SLC24A5: variants seen among roughly 807,000 people sequenced by gnomAD.
The protein encoded by SLC24A5 is solute carrier family 24 member 5.
Under a neutral mutation model 51.6 loss-of-function variants are expected in SLC24A5, and 46 were observed. That is an observed-to-expected ratio of 0.89 (90% CI 0.70 to 1.14). The LOEUF (loss-of-function observed/expected upper bound fraction) is 1.14. Among genes scored for constraint, SLC24A5 ranks in the 50% most tolerant of loss-of-function variants. SLC24A5 has a pLI of 0.00. For synonymous variants in SLC24A5, 230 were observed against 214.9 expected (o/e 1.07, Z -0.62); for missense variants, 581 against 604.1 (o/e 0.96, Z 0.40).
intron 2 of SLC24A5, 95 bp downstream of exon 2, chr15:48,122,131 C>T: frequency 7.6e-7 from 1 of 1,314,116 alleles, no homozygotes; most frequent in Non-Finnish European, 1.1e-6. Flanking sequence ...TCCTGTACTT[C>T]TCAACTGGTT....
At chr15:48,135,218 G>GACCA (rs2038868057) in intron 5 of SLC24A5, 1 of 341,068 alleles carries the variant, frequency 2.9e-6, no homozygotes, top group African/African-American at 2.1e-5. Flanking sequence ...AGTCACTGGA[G>GACCA]ACCACCACTT....
At chr15:48,126,584 G>C (rs773758255) in intron 2 of SLC24A5, among the ~76,000 whole-genome samples, 12 of 152,292 alleles carry the variant, frequency 7.9e-5, no homozygotes, top group Non-Finnish European at 1.6e-4. Context: ...GCCCAAGTTA[G>C]AGCTAAAGGA....
chr15:48,128,303 C>A (rs2038752851), intron 2 of SLC24A5, among the ~76,000 whole-genome samples: 1 of 152,076 alleles, frequency 6.6e-6, no homozygotes, highest in Non-Finnish European at 1.5e-5. Context: ...ATATACCATT[C>A]AATTAGATAT....
At chr15:48,138,809 C>A (rs527404944) in intron 6 of SLC24A5, 160 bp from the exon 7 acceptor site, 4 of 594,716 alleles carry the variant, frequency 6.7e-6, no homozygotes, top group South Asian at 2.3e-5. Flanking sequence ...CAATTAGTTT[C>A]TTTTCACCAG....
intron 2 of SLC24A5, 126 bp from the exon 3 acceptor site, chr15:48,134,132 T>C: frequency 1.3e-6 from 1 of 766,884 alleles, no homozygotes; most frequent in South Asian, 1.7e-5. Flanking sequence ...TTAATCTGTG[T>C]ATTTTATTTT....
chr15:48,139,234 T>C, intron 7 of SLC24A5, 59 bp downstream of exon 7: 1 of 1,422,818 alleles, frequency 7.0e-7, no homozygotes. Flanking sequence ...ACAAATTGCA[T>C]ATGTTCACTC....
chr15:48,129,764 G>A (rs2038770140), intron 2 of SLC24A5, among the ~76,000 whole-genome samples: 1 of 151,764 alleles, frequency 6.6e-6, no homozygotes, highest in Non-Finnish European at 1.5e-5. Flanking sequence ...ATAAAAAGTG[G>A]TGTAGAGTCT....
Position 48,121,936 on chromosome 15 carries a change from A to T in SLC24A5, c.201A>T (p.Gly67=). 1 of 1,614,154 alleles carries T rather than the reference A, an allele frequency of 6.2e-7. No individual in the cohort carries two copies. The highest frequency in any genetic ancestry group is 1.1e-5 in the South Asian group (1 of 91,086). The change falls in exon 2 of 9, where the codon GGA becomes GGT. Residue 67 remains glycine (G), a synonymous_variant. Coordinates refer to ENST00000341459, the MANE Select transcript of SLC24A5 (RefSeq NM_205850.3). The part of the protein sequence containing the change: ...GFFTRQERRD[G]GIIIYFLIIV... ...TCACGAGACAGGAGCGCAGAGATGG[A>T]GGCATCATAATCTATTTCCTAATTA...
intron 2 of SLC24A5, among the ~76,000 whole-genome samples, chr15:48,133,723 G>A (rs1039091956): frequency 6.6e-6 from 1 of 151,990 alleles, no homozygotes; most frequent in African/African-American, 2.4e-5. Context: ...AAAATTCTCT[G>A]CATGGCAAAC....
intron 2 of SLC24A5, 52 bp downstream of exon 2, chr15:48,122,088 G>T (rs960532613): frequency 1.3e-6 from 2 of 1,566,856 alleles, no homozygotes; most frequent in Non-Finnish European, 1.8e-6. Flanking sequence ...GTGCCACACA[G>T]ATATGACTGT....
Position 48,134,362 on chromosome 15 carries a change from T to G in SLC24A5, c.385+21T>G, listed in dbSNP as rs1193474925. 4 of 1,612,486 alleles carry G rather than the reference T, an allele frequency of 2.5e-6. No homozygotes were observed. The South Asian group carries it at 4.4e-5, about 18-fold the overall frequency. ...CCTAGGTAAATATTGCTCCTTATAC[T>G]TCTTGCTTACTCAGTGTGATTTTTA... is the stretch of plus-strand genomic sequence containing the variant. On this transcript the variant is annotated intron_variant, in intron 3 of 8. Transcript: ENST00000341459.
intron 2 of SLC24A5, among the ~76,000 whole-genome samples, chr15:48,132,444 TTGTC>T (rs2038799822): frequency 6.6e-6 from 1 of 152,160 alleles, no homozygotes; most frequent in Non-Finnish European, 1.5e-5. Flanking sequence ...GCAGGAATAT[TTGTC>T]TATTTTGTTC....
chr15:48,141,056 C>A (rs2039063140), intron 7 of SLC24A5, 57 bp from the exon 8 acceptor site: 3 of 1,384,466 alleles, frequency 2.2e-6, no homozygotes, highest in Non-Finnish European at 3.1e-6. Context: ...AAAATAACTG[C>A]AAAGGATGGT....
At position 48,140,431 on chromosome 15, in the gene SLC24A5, A is replaced by C. The variant is rs539341481; in HGVS notation, c.1079-682A>C. 2.0e-5 allele frequency: 3 copies of C among 152,294 alleles called. No homozygotes were observed. The South Asian group carries it at 6.2e-4, about 32-fold the overall frequency. 9.4% of individuals were successfully genotyped at this position (152,294 alleles called of 1,614,324 possible). On this transcript the variant is annotated intron_variant, in intron 7 of 8. Coordinates refer to ENST00000341459, the MANE Select transcript of SLC24A5 (RefSeq NM_205850.3). ...AACCAAGTTTTCAATTACAACATTAAAGGAACAGTTACATAACCTTTTGTT... is the reference window on the plus strand; with the variant it reads ...AACCAAGTTTTCAATTACAACATTACAGGAACAGTTACATAACCTTTTGTT...
chr15:48,138,380 C>T (rs2038954542), intron 6 of SLC24A5: 1 of 151,932 alleles, frequency 6.6e-6, no homozygotes, highest in Non-Finnish European at 1.5e-5. Flanking sequence ...AGATGATATA[C>T]TACCTCCTAC....
intron 2 of SLC24A5, among the ~76,000 whole-genome samples, chr15:48,129,140 C>T (rs908895726): frequency 2.0e-5 from 3 of 152,040 alleles, no homozygotes; most frequent in Admixed American, 6.6e-5. Context: ...TCGGTGGAAT[C>T]AGCCTTTAAA....
intron 2 of SLC24A5, among the ~76,000 whole-genome samples, chr15:48,130,758 G>A (rs2038781747): frequency 6.6e-6 from 1 of 151,974 alleles, no homozygotes; most frequent in Non-Finnish European, 1.5e-5. Context: ...AGTATTCTTG[G>A]CTCTCGGTAA....
Position 48,142,201 on chromosome 15 carries a change from TC to T in SLC24A5, c.1354del (p.Leu452PhefsTer3). The T allele has an allele frequency of 6.2e-7, 1 of 1,613,878 alleles. No individual in the cohort carries two copies. Among genetic ancestry groups the T allele is most frequent in the Non-Finnish European group, 8.5e-7 (1 of 1,179,882 alleles). On this transcript the variant is annotated frameshift_variant, in exon 9 of 9. Transcript: ENST00000341459. LOFTEE classifies it high-confidence loss of function. ...TCTCTCTCAACATTTCAATTATTTTTCTTTTTTTAGCAGTTCACTTCAATGG... is the reference window on the plus strand; with the variant it reads ...TCTCTCTCAACATTTCAATTATTTTTTTTTTTTAGCAGTTCACTTCAATGG... ...TISLNISIIF[L>X]FLAVHFNGWK...
chr15:48,134,897 C>A lies in SLC24A5; in HGVS notation c.503C>A (p.Ser168Ter). 6.2e-7 allele frequency: 1 copy of A among 1,609,928 alleles called. No homozygotes were observed. Among genetic ancestry groups the A allele is most frequent in the Non-Finnish European group, 8.5e-7 (1 of 1,177,242 alleles). Residue 168 changes from serine to a stop codon, truncating the protein, a stop_gained, in exon 5 of 9, where the codon TCA becomes TAA. Coordinates refer to ENST00000341459, the MANE Select transcript of SLC24A5 (RefSeq NM_205850.3). LOFTEE classifies it high-confidence loss of function. Reference protein sequence around the residue: ...GLLSNTVSTLSCWPLFRDCAA... With the variant: ...GLLSNTVSTL ...ACCATATTACAGGTCTCAACACTAT[C>A]ATGTTGGCCCCTATTCAGAGACTGT...
Sources: gnomAD v4.1 joint callset for allele counts (sites outside exome capture counted in the v4.1 genomes callset) on GRCh38, gnomAD v4.1.1 for gene constraint, MANE v1.5 for transcripts, NCBI Gene and HGNC (gene_info 2026-07-23, HGNC 2026-07-21) for gene names.